VPS13A: variants seen among roughly 807,000 people sequenced by gnomAD.
VPS13A encodes the protein vacuolar protein sorting 13 homolog A.
VPS13A carries 264 observed loss-of-function variants against 390.9 expected under a neutral mutation model. The ratio of observed to expected loss-of-function variants is 0.68; its 90% CI spans 0.61 to 0.75. The LOEUF (loss-of-function observed/expected upper bound fraction) is 0.75, where lower values mean the gene tolerates loss of function less well. Among genes scored for constraint, VPS13A ranks in the 30% least tolerant of loss-of-function variants. The pLI is 0.00. For synonymous variants in VPS13A, 1,231 were observed against 1,227.1 expected (o/e 1.00, Z -0.07); for missense variants, 3,409 against 3,733.9 (o/e 0.91, Z 2.27).
Position 77,210,797 on chromosome 9 carries a change from T to G in VPS13A, c.555+122T>G. On this transcript the variant is annotated intron_variant, in intron 7 of 71. Transcript: ENST00000360280. ...CTATGTAGAACGGGTGCACAAAGGGTCTTCATTGGATTGGAATCGAGGGTA... is the reference window on the plus strand; with the variant it reads ...CTATGTAGAACGGGTGCACAAAGGGGCTTCATTGGATTGGAATCGAGGGTA... 7 of 974,930 alleles carry G rather than the reference T, an allele frequency of 7.2e-6. No homozygotes were observed. The South Asian group carries it at 9.3e-5, about 13-fold the overall frequency. 60.4% of individuals were successfully genotyped at this position (974,930 alleles called of 1,614,324 possible). A position where few individuals can be genotyped will look rare whatever the true frequency, so the allele number is the denominator to read the frequency against.
intron 70 of VPS13A, among the ~76,000 whole-genome samples, chr9:77,406,216 C>A (rs1307406521): frequency 1.3e-5 from 2 of 151,972 alleles, no homozygotes; most frequent in Non-Finnish European, 1.5e-5. Flanking sequence ...CATTCCTGGG[C>A]CCTTGCTGTA....
At chr9:77,365,641 T>G in intron 60 of VPS13A, 68 bp downstream of exon 60, 1 of 957,910 alleles carries the variant, frequency 1.0e-6, no homozygotes, top group South Asian at 1.4e-5. Flanking sequence ...GCATTTATAT[T>G]GTGTTCTTCA....
In VPS13A at chr9:77,416,025, G is replaced by T. The variant is rs771936871; in HGVS notation, c.*19G>T. On this transcript the variant is annotated 3_prime_UTR_variant, in exon 72 of 72. Transcript: ENST00000360280. ...CCTCTGACAGAGAACACTGCCTGAA[G>T]ACACACAGCAATAAGTGATTACAGC... 1.2e-6 allele frequency: 2 copies of T among 1,612,900 alleles called. No homozygotes were observed. Among genetic ancestry groups the T allele is most frequent in the African/African-American group, 2.7e-5 (2 of 74,862 alleles).
chr9:77,275,274 A>T (rs750102443), intron 24 of VPS13A, among the ~76,000 whole-genome samples: 21 of 152,160 alleles, frequency 1.4e-4, no homozygotes, highest in Non-Finnish European at 2.6e-4. Flanking sequence ...ATGCTTCTTT[A>T]TAACCAAGAA....
chr9:77,328,397 A>G (rs1830117965), intron 45 of VPS13A, among the ~76,000 whole-genome samples: 1 of 152,224 alleles, frequency 6.6e-6, no homozygotes. Flanking sequence ...TAATGGTAAA[A>G]GAACATTGGC....
chr9:77,265,419 C>T (rs1825980733), intron 23 of VPS13A, among the ~76,000 whole-genome samples: 1 of 152,116 alleles, frequency 6.6e-6, no homozygotes, highest in African/African-American at 2.4e-5. Context: ...TTGAATCTAT[C>T]TGGTCGTGGG....
intron 1 of VPS13A, among the ~76,000 whole-genome samples, chr9:77,196,082 C>T (rs1347266298): frequency 2.0e-5 from 3 of 151,970 alleles, no homozygotes; most frequent in African/African-American, 7.2e-5. Flanking sequence ...GCTTAATTTT[C>T]ATATATTTGT....
rs752456834 is a variant in VPS13A, at chr9:77,366,880, T to C, written c.8471+8T>C. The C allele has an allele frequency of 7.4e-6, 12 of 1,611,612 alleles. No homozygotes were observed. The highest frequency in any genetic ancestry group is 1.0e-5 in the Non-Finnish European group (12 of 1,178,738). ...ACAAGATGTAGTTTTTAAGTATGTTTAGTATTCAAATCTGTAAATTGATGG... is the reference window on the plus strand; with the variant it reads ...ACAAGATGTAGTTTTTAAGTATGTTCAGTATTCAAATCTGTAAATTGATGG... On this transcript the variant is annotated splice_region_variant and intron_variant, in intron 61 of 71. Coordinates refer to ENST00000360280, the MANE Select transcript of VPS13A (RefSeq NM_033305.3).
At chr9:77,207,431 A>G (rs565558656) in intron 5 of VPS13A, among the ~76,000 whole-genome samples, 5 of 150,458 alleles carry the variant, frequency 3.3e-5, no homozygotes, top group Non-Finnish European at 7.4e-5. Context: ...ATGATGTACT[A>G]TGAAGATTGA....
At chr9:77,324,971 G>T (rs572301469) in intron 45 of VPS13A, among the ~76,000 whole-genome samples, 2 of 152,136 alleles carry the variant, frequency 1.3e-5, no homozygotes, top group African/African-American at 4.8e-5. Flanking sequence ...GGGGCATATA[G>T]TCTCAGGATT....
intron 37 of VPS13A, 59 bp from the exon 38 acceptor site, chr9:77,315,192 CAT>C: frequency 7.0e-7 from 1 of 1,431,994 alleles, no homozygotes; most frequent in African/African-American, 1.4e-5. Flanking sequence ...GAGTTTTACT[CAT>C]ATGTTTGATT....
intron 61 of VPS13A, among the ~76,000 whole-genome samples, chr9:77,367,168 A>G (rs1832480047): frequency 6.6e-6 from 1 of 152,188 alleles, no homozygotes; most frequent in African/African-American, 2.4e-5. Flanking sequence ...GTATGCCCAA[A>G]GATATGGTGC....
intron 31 of VPS13A, among the ~76,000 whole-genome samples, chr9:77,285,408 T>A (rs891090996): frequency 1.3e-5 from 2 of 152,222 alleles, no homozygotes; most frequent in Admixed American, 6.5e-5. Flanking sequence ...AAATACTGTT[T>A]TTATTTATAT....
At chr9:77,350,837 CTTTTGTAATGTT>C (rs1177224946) in intron 52 of VPS13A, 1 of 173,138 alleles carries the variant, frequency 5.8e-6, no homozygotes, top group Non-Finnish European at 1.2e-5. Context: ...TGGTTTATAA[CTTTTGTAATGTT>C]TTTTTCTTTC....
At chr9:77,316,120 A>G (rs1032666430) in intron 38 of VPS13A, 54 bp from the exon 39 acceptor site, 7 of 960,996 alleles carry the variant, frequency 7.3e-6, no homozygotes, top group Non-Finnish European at 9.7e-6. Flanking sequence ...CTTATAAATA[A>G]TAAATTATTC....
intron 35 of VPS13A, among the ~76,000 whole-genome samples, chr9:77,313,223 G>A (rs1019030943): frequency 3.9e-5 from 6 of 152,058 alleles, no homozygotes; most frequent in African/African-American, 1.2e-4. Flanking sequence ...TACAAAATTC[G>A]TCTATGATGA....
intron 71 of VPS13A, among the ~76,000 whole-genome samples, chr9:77,414,522 A>G (rs1445917574): frequency 1.3e-5 from 2 of 151,596 alleles, no homozygotes; most frequent in Non-Finnish European, 2.9e-5. Flanking sequence ...TCTCACTCAT[A>G]GGTGGGAATT....
In VPS13A at chr9:77,340,461, C is replaced by T. The variant is rs768435097; in HGVS notation, c.6937C>T (p.Pro2313Ser). 9.3e-6 allele frequency: 15 copies of T among 1,613,160 alleles called. No homozygotes were observed. The South Asian group carries it at 1.6e-4, about 18-fold the overall frequency. Reference sequence around the variant, plus strand: ...CATTACTAGAATTGTGACATTTACCCCTTTTTATATGATTAAAAACAAAAG... The same window carrying T: ...CATTACTAGAATTGTGACATTTACCTCTTTTTATATGATTAAAAACAAAAG... ...FNITRIVTFT[P>S]FYMIKNKSKY... Residue 2313 changes from proline to serine, a missense_variant, in exon 50 of 72, where the codon CCT becomes TCT. Around this residue, in one of 5 missense-constraint regions of VPS13A, gnomAD observed 2,717 missense variants for 2,917.4 expected, o/e 0.93. Transcript: ENST00000360280.
In VPS13A at chr9:77,353,407, A is replaced by G; in HGVS notation, c.7420-2A>G. 1 of 1,519,776 alleles carries G rather than the reference A, an allele frequency of 6.6e-7. No individual in the cohort carries two copies. The highest frequency in any genetic ancestry group is 8.8e-7 in the Non-Finnish European group (1 of 1,130,126). The allele number at this position is 1,519,776 out of a possible 1,614,324, so 94.1% of individuals were successfully genotyped here. Reference sequence around the variant, plus strand: ...TTTTTTTTTTTGGTGGTTTTATTCTAGGATATGATGATGCCTATAGATTTG... The same window carrying G: ...TTTTTTTTTTTGGTGGTTTTATTCTGGGATATGATGATGCCTATAGATTTG... On this transcript the variant is annotated splice_acceptor_variant, in intron 53 of 71. Transcript: ENST00000360280. LOFTEE classifies it high-confidence loss of function.
Sources: allele counts gnomAD v4.1 joint callset (sites outside exome capture counted in the v4.1 genomes callset), GRCh38; gene constraint gnomAD v4.1.1; regional missense constraint gnomAD v4.1.1; transcripts MANE v1.5; gene names NCBI Gene and HGNC (gene_info 2026-07-23, HGNC 2026-07-21).